DTL: variants seen among roughly 807,000 people sequenced by gnomAD.
DTL encodes the protein denticleless protein homolog.
A neutral mutation model predicts 87.0 loss-of-function variants in DTL; 46 were observed. The observed-to-expected ratio is 0.53, with a 90% CI of 0.42 to 0.68. DTL has a LOEUF of 0.68. Ranked by LOEUF, DTL falls within the 30% of genes least tolerant of loss-of-function variation. The pLI is 0.00. For synonymous variants in DTL, 308 were observed against 311.2 expected (o/e 0.99, Z 0.11); for missense variants, 737 against 869.4 (o/e 0.85, Z 1.91).
intron 13 of DTL, among the ~76,000 whole-genome samples, chr1:212,098,620 A>G (rs1001484936): frequency 6.6e-6 from 1 of 152,028 alleles, no homozygotes; most frequent in South Asian, 2.1e-4. Context: ...TAACAGGCCA[A>G]TGGAGTTACG....
At chr1:212,038,886 AGT>A (rs1667561362) in intron 1 of DTL, among the ~76,000 whole-genome samples, 1 of 152,220 alleles carries the variant, frequency 6.6e-6, no homozygotes. Context: ...CACTCCTTTA[AGT>A]GTATCTAATA....
rs1571959497 is a variant in DTL, at chr1:212,066,756, G to A, written c.640-56G>A. The A allele has an allele frequency of 1.9e-6, 3 of 1,546,476 alleles. No homozygotes were observed. The Admixed American group carries it at 5.2e-5, about 27-fold the overall frequency. ...TCGTTTTTTAGCACCTTGTTCCCTTGATGGTAAAGATTATGATGCCCAAGA... is the reference window on the plus strand; with the variant it reads ...TCGTTTTTTAGCACCTTGTTCCCTTAATGGTAAAGATTATGATGCCCAAGA... On this transcript the variant is annotated intron_variant, in intron 7 of 14. Transcript: ENST00000366991.
At chr1:212,066,178 G>A (rs765835478) in intron 7 of DTL, among the ~76,000 whole-genome samples, 21 of 151,656 alleles carry the variant, frequency 1.4e-4, no homozygotes, top group Non-Finnish European at 2.2e-4. Context: ...TGGTGTGTAG[G>A]GTACAAGTTA....
chr1:212,061,041 G>A (rs1032474074), intron 5 of DTL, among the ~76,000 whole-genome samples: 3 of 152,074 alleles, frequency 2.0e-5, no homozygotes, highest in Admixed American at 2.0e-4. Context: ...CAGTAGAAAA[G>A]ACAAAATATT....
intron 12 of DTL, among the ~76,000 whole-genome samples, chr1:212,079,375 A>G (rs1319786559): frequency 6.6e-6 from 1 of 152,118 alleles, no homozygotes; most frequent in Non-Finnish European, 1.5e-5. Flanking sequence ...TATATTAATT[A>G]TCCTTATTTC....
At chr1:212,060,321 A>G (rs1392835510) in intron 5 of DTL, among the ~76,000 whole-genome samples, 1 of 152,222 alleles carries the variant, frequency 6.6e-6, no homozygotes, top group African/African-American at 2.4e-5. Context: ...AAATAAATCC[A>G]TATATTTACA....
intron 13 of DTL, among the ~76,000 whole-genome samples, chr1:212,090,621 A>T (rs1355169504): frequency 2.0e-5 from 3 of 152,216 alleles, no homozygotes; most frequent in African/African-American, 7.2e-5. Flanking sequence ...TGCCTGAAGT[A>T]CTTGCCATTG....
In DTL at chr1:212,096,743, A is replaced by G. The variant is rs553474798; in HGVS notation, c.1262-3509A>G. Among the ~76,000 whole-genome samples, 285 of 152,340 alleles carry G rather than the reference A, an allele frequency of 1.9e-3. 1 individual carries two copies. The highest frequency in any genetic ancestry group is 0.017 in the South Asian group (80 of 4,832). On this transcript the variant is annotated intron_variant, in intron 13 of 14. Coordinates refer to ENST00000366991, the MANE Select transcript of DTL (RefSeq NM_016448.4). ...ACTATGGTCTGAGAGAGTACTTGAT[A>G]TAATTTTGATTTTCTTAAATTTATT...
At chr1:212,064,748 CT>C (rs1387880489) in intron 6 of DTL, among the ~76,000 whole-genome samples, 168 bp from the exon 7 acceptor site, 8 of 152,188 alleles carry the variant, frequency 5.3e-5, no homozygotes, top group Non-Finnish European at 7.3e-5. Context: ...ACATCTCTCC[CT>C]TTTTATACAT....
intron 11 of DTL, among the ~76,000 whole-genome samples, chr1:212,076,635 G>C (rs1654838969): frequency 6.6e-6 from 1 of 152,168 alleles, no homozygotes; most frequent in African/African-American, 2.4e-5. Flanking sequence ...AGTAGGACTT[G>C]AGGATTTCCT....
At chr1:212,078,414 C>G (rs1272823251) in intron 12 of DTL, 152 bp downstream of exon 12, 3 of 580,142 alleles carry the variant, frequency 5.2e-6, no homozygotes, top group Non-Finnish European at 6.1e-6. Flanking sequence ...TCACATTACT[C>G]AGGCATATTC....
chr1:212,066,207 G>A (rs934998331), intron 7 of DTL, among the ~76,000 whole-genome samples: 2 of 151,792 alleles, frequency 1.3e-5, no homozygotes, highest in African/African-American at 2.4e-5. Context: ...GGGGAAGTAT[G>A]ACTGCTAAGA....
At chr1:212,098,426 C>A (rs992283077) in intron 13 of DTL, among the ~76,000 whole-genome samples, 2 of 152,084 alleles carry the variant, frequency 1.3e-5, no homozygotes, top group Non-Finnish European at 2.9e-5. Flanking sequence ...GCTTGCCTTA[C>A]GGTTTCCTGG....
rs2102552499 is a variant in DTL, at chr1:212,066,805, C to T, written c.640-7C>T. On this transcript the variant is annotated splice_polypyrimidine_tract_variant and splice_region_variant and intron_variant, in intron 7 of 14. Coordinates refer to ENST00000366991, the MANE Select transcript of DTL (RefSeq NM_016448.4). ...GATAGAATCTTCTTCTTTTCTTGTG[C>T]TATCAGGATTTCCAGCAAAGTGTTA... 3 of 1,612,454 alleles carry T rather than the reference C, an allele frequency of 1.9e-6. No individual in the cohort carries two copies. In the East Asian group the frequency reaches 6.7e-5, roughly 36 times the overall value.
At chr1:212,084,778 C>G (rs1655080988) in intron 13 of DTL, among the ~76,000 whole-genome samples, 1 of 152,170 alleles carries the variant, frequency 6.6e-6, no homozygotes, top group African/African-American at 2.4e-5. Flanking sequence ...AACCTTCATA[C>G]TCCTCATCCT....
intron 1 of DTL, 114 bp downstream of exon 1, chr1:212,036,056 C>A: frequency 1.0e-6 from 1 of 998,368 alleles, no homozygotes. Flanking sequence ...TGAGTTCTCC[C>A]ATGGCAAGGG....
chr1:212,077,351 AAT>A (rs1654860798), intron 11 of DTL, among the ~76,000 whole-genome samples: 1 of 152,162 alleles, frequency 6.6e-6, no homozygotes, highest in Admixed American at 6.5e-5. Flanking sequence ...ATGATGGAAA[AAT>A]ATGATTCTTA....
Position 212,100,691 on chromosome 1 carries a change from T to C in DTL, c.1701T>C (p.Cys567=). 2 of 1,614,026 alleles carry C rather than the reference T, an allele frequency of 1.2e-6. No homozygotes were observed. The highest frequency in any genetic ancestry group is 1.7e-6 in the Non-Finnish European group (2 of 1,180,012). Reference sequence around the variant, plus strand: ...GTCTGGAGAGTGTGAAACAAAAGTGTGTGAAGAGTTGTAACTGTGTGACTG... The same window carrying C: ...GTCTGGAGAGTGTGAAACAAAAGTGCGTGAAGAGTTGTAACTGTGTGACTG... ...SSCLESVKQK[C]VKSCNCVTEL... The change falls in exon 14 of 15, where the codon TGT becomes TGC. Residue 567 remains cysteine (C), a synonymous_variant. Coordinates refer to ENST00000366991, the MANE Select transcript of DTL (RefSeq NM_016448.4).
intron 13 of DTL, among the ~76,000 whole-genome samples, chr1:212,095,526 G>A (rs1655420406): frequency 6.6e-6 from 1 of 152,004 alleles, no homozygotes; most frequent in South Asian, 2.1e-4. Flanking sequence ...TTTTTAGATG[G>A]GGTTTCACCA....
Sources: allele counts gnomAD v4.1 joint callset (sites outside exome capture counted in the v4.1 genomes callset), GRCh38; gene constraint gnomAD v4.1.1; transcripts MANE v1.5; gene names NCBI Gene and HGNC (gene_info 2026-07-23, HGNC 2026-07-21).